Variants in SPACDR observed in about 807,000 individuals in gnomAD.
SPACDR encodes the protein uncharacterized protein C7orf61.
At chr7:100,457,558 A>T in the SPACDR span, among the ~76,000 whole-genome samples, 5 of 147,356 alleles carry the variant, frequency 3.4e-5, no homozygotes, top group Admixed American at 3.4e-4. Flanking sequence ...ACCTCAAGTG[A>T]TCAGCCGGCC....
chr7:100,463,340 G>T, the SPACDR span: 1 of 1,533,068 alleles, frequency 6.5e-7, no homozygotes, highest in Non-Finnish European at 8.8e-7. Context: ...GAAAGAGGGA[G>T]GGGGTGTTAG....
At chr7:100,457,920 G>A in the SPACDR span, among the ~76,000 whole-genome samples, 2 of 146,382 alleles carry the variant, frequency 1.4e-5, no homozygotes, top group Admixed American at 7.0e-5. Context: ...CTGAGCTCAA[G>A]TGATCCACCT....
At chr7:100,457,979 G>A in the SPACDR span, among the ~76,000 whole-genome samples, 1 of 150,918 alleles carries the variant, frequency 6.6e-6, no homozygotes, top group African/African-American at 2.4e-5. Flanking sequence ...CGCCACGCTC[G>A]GCTTAAACTG....
the SPACDR span, chr7:100,464,090 G>GGGGA: frequency 6.7e-7 from 1 of 1,496,570 alleles, no homozygotes; most frequent in Admixed American, 2.1e-5. Flanking sequence ...GGGGGTGGCG[G>GGGGA]GTGGGGGATG....
the SPACDR span, among the ~76,000 whole-genome samples, chr7:100,457,803 A>ATGTGTGTGTGTG: frequency 0.07 from 5,091 of 72,364 alleles, 263 homozygotes; most frequent in East Asian, 0.1. Flanking sequence ...ATATATATAT[A>ATGTGTGTGTGTG]TGTGTGTGTG....
the SPACDR span, chr7:100,456,926 A>G: frequency 6.8e-6 from 11 of 1,613,706 alleles, no homozygotes; most frequent in Middle Eastern, 1.6e-4. Flanking sequence ...CAGCCTCCGG[A>G]GTCTTCAAAG....
chr7:100,456,924 G>T, the SPACDR span: 8 of 1,613,530 alleles, frequency 5.0e-6, no homozygotes, highest in Admixed American at 1.7e-5. Flanking sequence ...CTCAGCCTCC[G>T]GAGTCTTCAA....
chr7:100,459,216 T>C, the SPACDR span, among the ~76,000 whole-genome samples: 1 of 151,576 alleles, frequency 6.6e-6, no homozygotes, highest in African/African-American at 2.4e-5. Context: ...TTCATCCTGT[T>C]AGTCAGGATG....
At chr7:100,463,768 A>T in the SPACDR span, 12 of 1,341,776 alleles carry the variant, frequency 8.9e-6, no homozygotes, top group Admixed American at 1.0e-4. Flanking sequence ...GAAGGCACAA[A>T]AGGGATGGAG....
the SPACDR span, among the ~76,000 whole-genome samples, chr7:100,461,292 C>G: frequency 6.6e-6 from 1 of 151,928 alleles, no homozygotes; most frequent in African/African-American, 2.4e-5. Flanking sequence ...TTCACCATGT[C>G]GGCCAGGCTG....
At chr7:100,458,207 TG>T in the SPACDR span, among the ~76,000 whole-genome samples, 8 of 100,350 alleles carry the variant, frequency 8.0e-5, no homozygotes, top group Non-Finnish European at 1.6e-4. Flanking sequence ...TGTGTGTGTG[TG>T]TGTGTGTGTG....
the SPACDR span, chr7:100,463,209 A>G: frequency 1.6e-6 from 1 of 612,668 alleles, no homozygotes; most frequent in Non-Finnish European, 2.8e-6. Flanking sequence ...CCTGAGCTCA[A>G]GTGATCCTCC....
the SPACDR span, among the ~76,000 whole-genome samples, chr7:100,457,852 TATATA>T: frequency 2.4e-4 from 30 of 124,946 alleles, no homozygotes; most frequent in African/African-American, 9.0e-4. Flanking sequence ...TATATATATA[TATATA>T]TTTTTTTTTT....
At chr7:100,463,567 C>A in the SPACDR span, 1 of 1,614,002 alleles carries the variant, frequency 6.2e-7, no homozygotes, top group Non-Finnish European at 8.5e-7. Flanking sequence ...CTTTTGGGAG[C>A]TCGACCAACC....
chr7:100,460,118 T>C, the SPACDR span, among the ~76,000 whole-genome samples: 10 of 151,834 alleles, frequency 6.6e-5, no homozygotes, highest in Non-Finnish European at 1.0e-4. Flanking sequence ...CTTGATCTCC[T>C]GACCTTGTGA....
chr7:100,464,075 A>T, the SPACDR span: 1 of 91,944 alleles, frequency 1.1e-5, no homozygotes, highest in African/African-American at 3.8e-4. Flanking sequence ...AGCATTTGGT[A>T]CGGTGGGGGT....
the SPACDR span, chr7:100,463,706 G>A: frequency 6.2e-7 from 1 of 1,603,108 alleles, no homozygotes; most frequent in Non-Finnish European, 8.5e-7. Context: ...AAGACACAGA[G>A]AGGAGAGACA....
At chr7:100,460,387 C>T in the SPACDR span, among the ~76,000 whole-genome samples, 3 of 151,804 alleles carry the variant, frequency 2.0e-5, no homozygotes, top group Non-Finnish European at 2.9e-5. Context: ...GTCAAGAGTT[C>T]GAGACTAGCA....
At chr7:100,464,092 T>TGGGGGGTGGGGGGG in the SPACDR span, 4 of 127,750 alleles carry the variant, frequency 3.1e-5, no homozygotes, top group Non-Finnish European at 4.9e-5. Flanking sequence ...GGGTGGCGGG[T>TGGGGGGTGGGGGGG]GGGGGATGGG....
Sources: gnomAD v4.1 joint callset for allele counts (sites outside exome capture counted in the v4.1 genomes callset) on GRCh38, gnomAD v4.1.1 for gene constraint, MANE v1.5 for transcripts, NCBI Gene and HGNC (gene_info 2026-07-23, HGNC 2026-07-21) for gene names.